The following CCDC126 variants were observed in gnomAD, a reference collection of about 807,000 sequenced individuals.
The protein encoded by CCDC126 is coiled-coil domain containing 126, also known as coiled-coil domain-containing protein 126.
A neutral mutation model predicts 11.7 loss-of-function variants in CCDC126; 5 were observed. That is an observed-to-expected ratio of 0.43 (90% confidence interval 0.22 to 0.90). The LOEUF is 0.90. Among genes scored for constraint, CCDC126 ranks in the 40% least tolerant of loss-of-function variants. The pLI, the probability that CCDC126 is intolerant of heterozygous loss-of-function variation, is 0.27. For synonymous variants in CCDC126, 60 were observed against 61.9 expected (o/e 0.97, Z 0.14); for missense variants, 150 against 163.1 (o/e 0.92, Z 0.44).
At chr7:23,637,750 T>G (rs1377751442) in intron 3 of CCDC126, among the ~76,000 whole-genome samples, 3 of 40,054 alleles carry the variant, frequency 7.5e-5, no homozygotes, top group Admixed American at 2.8e-4. Context: ...GTCCGGGAGG[T>G]GAGGGGCGCC....
rs1215521899 is a variant in CCDC126 at position 23,606,304 on chromosome 7, T to C, written c.-145-4867T>C. On this transcript the variant is annotated intron_variant, in intron 2 of 3. Transcript: ENST00000307471. ...CGATCTCCTGACCTCGTGATCTGCC[T>C]GCCTTGGCCTCCCAAAGTGCTGGGA... is the stretch of plus-strand genomic sequence containing the variant. Among the ~76,000 whole-genome samples, 23 of 152,192 alleles carry C rather than the reference T, an allele frequency of 1.5e-4. No homozygotes were observed. In the East Asian group the frequency reaches 3.7e-3, roughly 24 times the overall value.
At chr7:23,641,836 A>C (rs1783363405) in intron 3 of CCDC126, among the ~76,000 whole-genome samples, 1 of 152,202 alleles carries the variant, frequency 6.6e-6, no homozygotes, top group South Asian at 2.1e-4. Context: ...ATTTTTCTGC[A>C]GGAAATTTAA....
intron 3 of CCDC126, among the ~76,000 whole-genome samples, chr7:23,615,517 C>G (rs1332738980): frequency 6.6e-6 from 1 of 152,234 alleles, no homozygotes; most frequent in Non-Finnish European, 1.5e-5. Context: ...CCTTTGCAGT[C>G]ACAACTTGGC....
intron 3 of CCDC126, among the ~76,000 whole-genome samples, chr7:23,627,055 C>A (rs1783027004): frequency 6.6e-6 from 1 of 152,226 alleles, no homozygotes; most frequent in South Asian, 2.1e-4. Flanking sequence ...TCCAGCTTCA[C>A]ACTGACTGCT....
intron 3 of CCDC126, among the ~76,000 whole-genome samples, chr7:23,628,077 C>T (rs1228974845): frequency 2.0e-5 from 3 of 152,060 alleles, no homozygotes; most frequent in South Asian, 2.1e-4. Flanking sequence ...GTGTTATAAG[C>T]ATTTTCAGAA....
chr7:23,608,227 G>T (rs1782652731), intron 2 of CCDC126, among the ~76,000 whole-genome samples: 1 of 152,182 alleles, frequency 6.6e-6, no homozygotes, highest in Non-Finnish European at 1.5e-5. Context: ...AGACTGGCCA[G>T]AACTACTCTG....
At chr7:23,618,036 G>C (rs1782824412) in intron 3 of CCDC126, among the ~76,000 whole-genome samples, 1 of 152,192 alleles carries the variant, frequency 6.6e-6, no homozygotes, top group South Asian at 2.1e-4. Context: ...GCCAAAGGGA[G>C]ATACGCATAG....
At chr7:23,614,588 C>T (rs939481577) in intron 3 of CCDC126, among the ~76,000 whole-genome samples, 2 of 152,158 alleles carry the variant, frequency 1.3e-5, no homozygotes, top group Non-Finnish European at 2.9e-5. Flanking sequence ...TTTCAGTTTA[C>T]TTTGTCTAGA....
At chr7:23,616,237 A>G (rs1287884650) in intron 3 of CCDC126, among the ~76,000 whole-genome samples, 1 of 152,202 alleles carries the variant, frequency 6.6e-6, no homozygotes, top group African/African-American at 2.4e-5. Flanking sequence ...TTTATATTGA[A>G]GAAATCTTTC....
intron 3 of CCDC126, among the ~76,000 whole-genome samples, chr7:23,636,024 G>C (rs1173411931): frequency 1.3e-5 from 2 of 152,118 alleles, no homozygotes; most frequent in Non-Finnish European, 2.9e-5. Context: ...CGCCACGCCT[G>C]ACTGGTTTTC....
chr7:23,607,149 C>G lies in CCDC126; in HGVS notation c.-145-4022C>G, dbSNP rs143019695. ...CTCTAGTTGTTAATTTGGTGAATTT[C>G]AAGTTTTGTGTTTTTTTTAAGTGAT... is the stretch of plus-strand genomic sequence containing the variant. On this transcript the variant is annotated intron_variant, in intron 2 of 3. Transcript: ENST00000307471. 6.4e-3 allele frequency among the ~76,000 whole-genome samples: 971 copies of G among 152,202 alleles called. 11 individuals are homozygous for G. The highest frequency in any genetic ancestry group is 0.021 in the African/African-American group (863 of 41,526).
intron 3 of CCDC126, among the ~76,000 whole-genome samples, chr7:23,624,364 A>C (rs942926756): frequency 1.3e-5 from 2 of 152,144 alleles, no homozygotes; most frequent in Admixed American, 6.5e-5. Context: ...TCTGGTCTCA[A>C]ACTCCTGGCC....
intron 3 of CCDC126, among the ~76,000 whole-genome samples, chr7:23,617,365 A>G (rs1464817539): frequency 1.3e-5 from 2 of 151,544 alleles, no homozygotes; most frequent in Non-Finnish European, 2.9e-5. Context: ...AAAAAAAAAA[A>G]AAAAAAAAAG....
intron 3 of CCDC126, among the ~76,000 whole-genome samples, chr7:23,640,481 G>A (rs1453022389): frequency 6.6e-6 from 1 of 151,954 alleles, no homozygotes; most frequent in African/African-American, 2.4e-5. Flanking sequence ...TGGGCAGCAA[G>A]AGTGAAACTC....
intron 3 of CCDC126, among the ~76,000 whole-genome samples, chr7:23,625,348 G>A (rs1475063673): frequency 6.6e-6 from 1 of 152,092 alleles, no homozygotes; most frequent in Non-Finnish European, 1.5e-5. Context: ...ATGTGCACAC[G>A]TTAAATTTAA....
intron 3 of CCDC126, among the ~76,000 whole-genome samples, chr7:23,638,172 G>C (rs377165978): frequency 0.18 from 27,548 of 151,016 alleles, 2,835 homozygotes; most frequent in Non-Finnish European, 0.25. Context: ...CTACTGGGAA[G>C]TGAGGAGCCC....
At chr7:23,637,990 A>G (rs1584219544) in intron 3 of CCDC126, among the ~76,000 whole-genome samples, 1 of 116,468 alleles carries the variant, frequency 8.6e-6, no homozygotes, top group Non-Finnish European at 1.8e-5. Flanking sequence ...CCGCCCGGCC[A>G]GCCGCCCTAT....
At chr7:23,623,362 C>T (rs188140389) in intron 3 of CCDC126, among the ~76,000 whole-genome samples, 4 of 151,928 alleles carry the variant, frequency 2.6e-5, no homozygotes, top group Admixed American at 6.6e-5. Flanking sequence ...TTTGAGAGGC[C>T]GAGGTGGGCG....
chr7:23,611,288 T>C lies in CCDC126; in HGVS notation c.-28T>C. The C allele has an allele frequency of 7.0e-7, 1 of 1,433,040 alleles. No homozygotes were observed. Among genetic ancestry groups the C allele is most frequent in the Non-Finnish European group, 9.8e-7 (1 of 1,017,712 alleles). 88.8% of individuals were successfully genotyped at this position (1,433,040 alleles called of 1,614,324 possible). Reference sequence around the variant, plus strand: ...CTTACCTCAAGTTACCATTTTTCAGTCAAGTCTGTTTGTTTGCTTCTTCAG... The same window carrying C: ...CTTACCTCAAGTTACCATTTTTCAGCCAAGTCTGTTTGTTTGCTTCTTCAG... On this transcript the variant is annotated 5_prime_UTR_variant, in exon 3 of 4. Transcript: ENST00000307471.
Sources: allele counts gnomAD v4.1 joint callset (sites outside exome capture counted in the v4.1 genomes callset), GRCh38; gene constraint gnomAD v4.1.1; transcripts MANE v1.5; gene names NCBI Gene and HGNC (gene_info 2026-07-23, HGNC 2026-07-21).